PPP1R13B: variants seen among roughly 807,000 people sequenced by gnomAD.
PPP1R13B encodes protein phosphatase 1 regulatory subunit 13B, also known as apoptosis-stimulating of p53 protein 1.
PPP1R13B carries 44 observed loss-of-function variants against 119.8 expected under a neutral mutation model. The observed-to-expected ratio is 0.37, with a 90% CI of 0.29 to 0.47. The LOEUF (loss-of-function observed/expected upper bound fraction) is 0.47, where lower values mean the gene tolerates loss of function less well. Among genes scored for constraint, PPP1R13B ranks in the 20% least tolerant of loss-of-function variants. The pLI, the probability that PPP1R13B is intolerant of heterozygous loss-of-function variation, is 0.99. For missense variants in PPP1R13B, 1,227 were observed against 1,413.5 expected (o/e 0.87, Z 2.12); for synonymous variants, 542 against 561.5 (o/e 0.97, Z 0.49).
chr14:103,824,930 A>G (rs187306459), intron 1 of PPP1R13B, among the ~76,000 whole-genome samples: 96 of 147,040 alleles, frequency 6.5e-4, no homozygotes, highest in African/African-American at 2.2e-3. Context: ...TGCTTTATTG[A>G]GTTCTGCAGA....
Position 103,753,005 on chromosome 14 carries a change from G to A in PPP1R13B, c.823C>T (p.Leu275=), listed in dbSNP as rs1312068302. The change falls in exon 7 of 17, where the codon CTA becomes TTA. Residue 275 remains leucine (L), a synonymous_variant. Coordinates refer to ENST00000202556, the MANE Select transcript of PPP1R13B (RefSeq NM_015316.3). ...TTGCCAGACCCAGGAGTTACCTGTA[G>A]TTCTTGGTACAGTCTTTTTAACTCC... ...AVELKRLYQE[L]QIRNQLNQEQ... 1 of 1,613,610 alleles carries A rather than the reference G, an allele frequency of 6.2e-7. No homozygotes were observed. The highest frequency in any genetic ancestry group is 8.5e-7 in the Non-Finnish European group (1 of 1,179,710).
intron 1 of PPP1R13B, among the ~76,000 whole-genome samples, chr14:103,798,342 C>G (rs1042459005): frequency 2.6e-5 from 4 of 151,738 alleles, no homozygotes; most frequent in African/African-American, 9.7e-5. Context: ...TTAGTAGATA[C>G]GGGGTTTCAC....
intron 4 of PPP1R13B, among the ~76,000 whole-genome samples, chr14:103,768,019 T>C (rs563178442): frequency 1.5e-4 from 23 of 152,324 alleles, no homozygotes; most frequent in African/African-American, 5.1e-4. Flanking sequence ...ATCTTGCTTT[T>C]GTGTCTTTAT....
intron 1 of PPP1R13B, among the ~76,000 whole-genome samples, chr14:103,811,094 C>CAAA (rs36017203): frequency 7.8e-4 from 51 of 65,764 alleles, no homozygotes; most frequent in East Asian, 3.1e-3. Flanking sequence ...GACTCCTCCT[C>CAAA]AAAAAAAAAA....
intron 1 of PPP1R13B, among the ~76,000 whole-genome samples, chr14:103,807,772 G>A (rs755503732): frequency 2.0e-5 from 3 of 152,080 alleles, no homozygotes; most frequent in Non-Finnish European, 4.4e-5. Flanking sequence ...GGGATTATAG[G>A]CGTGAGGCAC....
upstream of PPP1R13B, chr14:103,848,540 C>T: frequency 1.0e-6 from 1 of 966,866 alleles, no homozygotes; most frequent in Non-Finnish European, 1.2e-6. Flanking sequence ...AGGTGCTCCC[C>T]GCGGCAGCAC....
intron 1 of PPP1R13B, among the ~76,000 whole-genome samples, chr14:103,826,032 C>T (rs6576005): frequency 0.58 from 87,835 of 151,526 alleles, 27,411 homozygotes; most frequent in African/African-American, 0.84. Context: ...TTTATTTTTA[C>T]TATTATTTTT....
chr14:103,778,739 A>C lies in PPP1R13B; in HGVS notation c.354+6T>G. On this transcript the variant is annotated splice_donor_region_variant and intron_variant, in intron 4 of 16. Transcript: ENST00000202556. ...TTAAAATTCAATTTAATTCACTGTC[A>C]CTTACCCCATTTTCAGTACGTTTTT... The C allele has an allele frequency of 6.2e-7, 1 of 1,610,126 alleles. No individual in the cohort carries two copies. Among genetic ancestry groups the C allele is most frequent in the Non-Finnish European group, 8.5e-7 (1 of 1,176,476 alleles).
Position 103,735,991 on chromosome 14 carries a change from C to T in PPP1R13B, c.3231+12G>A. Reference sequence around the variant, plus strand: ...GGCAGCTAGTTTCCCAGTAAGTAACCTGAGTGCTCACCCCCAGCAGGTTTT... The same window carrying T: ...GGCAGCTAGTTTCCCAGTAAGTAACTTGAGTGCTCACCCCCAGCAGGTTTT... On this transcript the variant is annotated intron_variant, in intron 16 of 16. Coordinates refer to ENST00000202556, the MANE Select transcript of PPP1R13B (RefSeq NM_015316.3). The T allele has an allele frequency of 6.2e-7, 1 of 1,613,992 alleles. No individual in the cohort carries two copies. Among genetic ancestry groups the T allele is most frequent in the Non-Finnish European group, 8.5e-7 (1 of 1,179,942 alleles).
At position 103,738,004 on chromosome 14, in the gene PPP1R13B, G is replaced by T; in HGVS notation, c.2865-144C>A. The T allele has an allele frequency of 1.0e-6, 1 of 995,968 alleles. No homozygotes were observed. Among genetic ancestry groups the T allele is most frequent in the Non-Finnish European group, 1.4e-6 (1 of 702,306 alleles). The allele number at this position is 995,968 out of a possible 1,614,324, so 61.7% of individuals were successfully genotyped here. ...CTCAGTGTTGTTTCTTTAAAGGCAGGATTTCCATGAGCCAATTGTTTCAGA... is the reference window on the plus strand; with the variant it reads ...CTCAGTGTTGTTTCTTTAAAGGCAGTATTTCCATGAGCCAATTGTTTCAGA... On this transcript the variant is annotated intron_variant, in intron 14 of 16. Transcript: ENST00000202556. The surrounding 1 kb of genome is among the most constrained non-coding windows in gnomAD (Gnocchi z 5.6).
chr14:103,787,317 C>T (rs374657332), intron 2 of PPP1R13B, among the ~76,000 whole-genome samples: 60 of 151,558 alleles, frequency 4.0e-4, no homozygotes, highest in East Asian at 2.4e-3. Flanking sequence ...GGCATGGTGG[C>T]GCATGCCTGT....
Position 103,742,917 on chromosome 14 carries a change from G to T in PPP1R13B, c.1151-94C>A. 1 of 1,395,350 alleles carries T rather than the reference G, an allele frequency of 7.2e-7. No homozygotes were observed. The highest frequency in any genetic ancestry group is 9.9e-7 in the Non-Finnish European group (1 of 1,009,078). 86.4% of individuals were successfully genotyped at this position (1,395,350 alleles called of 1,614,324 possible). On this transcript the variant is annotated intron_variant, in intron 9 of 16. Coordinates refer to ENST00000202556, the MANE Select transcript of PPP1R13B (RefSeq NM_015316.3). The surrounding 1 kb of genome is among the most constrained non-coding windows in gnomAD (Gnocchi z 4.9). ...CTGCCAGAAACAAAAACAGCACTGG[G>T]ACATCCCATTCTGATGCAGATCCAT...
intron 1 of PPP1R13B, among the ~76,000 whole-genome samples, chr14:103,798,154 T>C (rs529295448): frequency 0.01 from 1,503 of 143,308 alleles, 22 homozygotes; most frequent in Non-Finnish European, 0.014. Flanking sequence ...AATAATCTCT[T>C]TTTTTTTTTT....
Position 103,742,386 on chromosome 14 carries a change from G to T in PPP1R13B, c.1321-95C>A. 6.9e-7 allele frequency: 1 copy of T among 1,456,314 alleles called. No individual in the cohort carries two copies. Among genetic ancestry groups the T allele is most frequent in the Non-Finnish European group, 9.1e-7 (1 of 1,095,422 alleles). The allele number at this position is 1,456,314 out of a possible 1,614,324, so 90.2% of individuals were successfully genotyped here. ...CCCAAGAGAATACACAGTAGAATTT[G>T]TAATCCGTCAAATTGGCTGTGACCA... On this transcript the variant is annotated intron_variant, in intron 10 of 16. Transcript: ENST00000202556. The surrounding 1 kb of genome is among the most constrained non-coding windows in gnomAD (Gnocchi z 4.9).
intron 2 of PPP1R13B, among the ~76,000 whole-genome samples, chr14:103,794,009 G>A (rs933965886): frequency 6.6e-6 from 1 of 152,190 alleles, no homozygotes; most frequent in Non-Finnish European, 1.5e-5. Context: ...AGAGGGGGAG[G>A]TTTGTCCACA....
intron 1 of PPP1R13B, among the ~76,000 whole-genome samples, chr14:103,810,584 T>A (rs2086127647): frequency 6.6e-6 from 1 of 150,790 alleles, no homozygotes; most frequent in African/African-American, 2.4e-5. Flanking sequence ...CCATCCTGGC[T>A]AACACAGTGA....
intron 3 of PPP1R13B, among the ~76,000 whole-genome samples, chr14:103,779,414 C>T (rs2085287192): frequency 6.6e-6 from 1 of 152,188 alleles, no homozygotes; most frequent in East Asian, 1.9e-4. Flanking sequence ...AGGCTTTTAA[C>T]ACTTAAAAAT....
At chr14:103,780,613 G>A (rs1006162979) in intron 3 of PPP1R13B, among the ~76,000 whole-genome samples, 5 of 150,202 alleles carry the variant, frequency 3.3e-5, no homozygotes, top group African/African-American at 7.3e-5. Context: ...AGGAGATTGA[G>A]ACCATCCTGG....
At position 103,746,554 on chromosome 14, in the gene PPP1R13B, C is replaced by A; in HGVS notation, c.970-1G>T. The A allele has an allele frequency of 6.3e-7, 1 of 1,577,506 alleles. No homozygotes were observed. Among genetic ancestry groups the A allele is most frequent in the South Asian group, 1.1e-5 (1 of 87,866 alleles). Reference sequence around the variant, plus strand: ...ATGACGTGCCATTCACACGGTTCAGCTACAAATTGGGAAGAAATGAGAGTC... The same window carrying A: ...ATGACGTGCCATTCACACGGTTCAGATACAAATTGGGAAGAAATGAGAGTC... On this transcript the variant is annotated splice_acceptor_variant, in intron 8 of 16. Transcript: ENST00000202556. LOFTEE classifies it high-confidence loss of function.
Sources: allele counts gnomAD v4.1 joint callset (sites outside exome capture counted in the v4.1 genomes callset), GRCh38; gene constraint gnomAD v4.1.1; non-coding constraint Gnocchi (gnomAD v3.1); transcripts MANE v1.5; gene names NCBI Gene and HGNC (gene_info 2026-07-23, HGNC 2026-07-21).